Variants in DDAH1 observed in about 807,000 individuals in gnomAD.
DDAH1 encodes the protein dimethylarginine dimethylaminohydrolase 1, also known as N(G),N(G)-dimethylarginine dimethylaminohydrolase 1.
A neutral mutation model predicts 28.8 loss-of-function variants in DDAH1; 19 were observed. The observed-to-expected ratio is 0.66, with a 90% CI of 0.46 to 0.97. DDAH1 has a LOEUF of 0.97. DDAH1 is among the 50% of genes least tolerant of loss of function. DDAH1 has a pLI of 0.00. For synonymous variants in DDAH1, 153 were observed against 154.4 expected (o/e 0.99, Z 0.07); for missense variants, 326 against 375.9 (o/e 0.87, Z 1.10).
In DDAH1 at chr1:85,500,406, T is replaced by C. The variant is rs1036386604; in HGVS notation, c.-122-4125A>G. 3.3e-5 allele frequency among the ~76,000 whole-genome samples: 5 copies of C among 152,094 alleles called. No homozygotes were observed. The South Asian group carries it at 8.3e-4, about 25-fold the overall frequency. Reference sequence around the variant, plus strand: ...CCTTAAAGGTGTTATTCAATTCTCTTTTGGCTTATTTGATAAATCAGCATT... The same window carrying C: ...CCTTAAAGGTGTTATTCAATTCTCTCTTGGCTTATTTGATAAATCAGCATT... On this transcript the variant is annotated intron_variant, in intron 1 of 6. Coordinates refer to the DDAH1 transcript ENST00000426972.
chr1:85,507,713 A>T (rs1657070181), intron 1 of DDAH1, among the ~76,000 whole-genome samples: 1 of 152,178 alleles, frequency 6.6e-6, no homozygotes, highest in East Asian at 1.9e-4. Context: ...TATCAAGCTA[A>T]GAGTCCTTTG....
chr1:85,536,802 A>T (rs1658293725), intron 1 of DDAH1, among the ~76,000 whole-genome samples: 1 of 151,894 alleles, frequency 6.6e-6, no homozygotes, highest in Admixed American at 6.6e-5. Flanking sequence ...CAGAAATCCC[A>T]CTACTGGGTA....
At chr1:85,350,645 A>C (rs1649145942) in intron 3 of DDAH1, 111 bp from the exon 4 acceptor site, 1 of 1,305,164 alleles carries the variant, frequency 7.7e-7, no homozygotes, top group Non-Finnish European at 1.0e-6. Flanking sequence ...GGGACCTTGA[A>C]TATTTGGAAG....
chr1:85,431,837 C>T (rs1653700073), intron 1 of DDAH1, among the ~76,000 whole-genome samples: 1 of 152,310 alleles, frequency 6.6e-6, no homozygotes, highest in South Asian at 2.1e-4. Flanking sequence ...GGTGAATGAT[C>T]TTAAAGTGTC....
At chr1:85,486,898 CAG>C (rs1044560113) in intron 2 of DDAH1, among the ~76,000 whole-genome samples, 14 of 152,134 alleles carry the variant, frequency 9.2e-5, no homozygotes, top group African/African-American at 3.4e-4. Flanking sequence ...GCCTGATGAC[CAG>C]AGTCTTTGAA....
chr1:85,542,115 C>T (rs998209810), intron 1 of DDAH1, among the ~76,000 whole-genome samples: 3 of 152,154 alleles, frequency 2.0e-5, no homozygotes, highest in Admixed American at 6.5e-5. Context: ...AATCCTTTCA[C>T]CTAAGGTCAT....
intron 1 of DDAH1, chr1:85,496,299 T>C (rs573407918): frequency 6.5e-5 from 52 of 805,144 alleles, no homozygotes; most frequent in Non-Finnish European, 7.4e-5. Context: ...TGGAGAAATA[T>C]GGAAGCAGAG....
rs977187423 is a variant in DDAH1 at position 85,569,757 on chromosome 1, A to G, written c.-123+8227T>C. 2.6e-5 allele frequency among the ~76,000 whole-genome samples: 4 copies of G among 152,358 alleles called. No homozygotes were observed. In the South Asian group the frequency reaches 8.3e-4, roughly 32 times the overall value. ...CTCTATTCAAAATAGCAGAGCAATGAAAGTGCAGGAAGCCCAGAGGAAAGA... is the reference window on the plus strand; with the variant it reads ...CTCTATTCAAAATAGCAGAGCAATGGAAGTGCAGGAAGCCCAGAGGAAAGA... On this transcript the variant is annotated intron_variant, in intron 1 of 6. Transcript: ENST00000426972.
At chr1:85,444,866 T>C (rs1461179999) in intron 1 of DDAH1, among the ~76,000 whole-genome samples, 1 of 152,138 alleles carries the variant, frequency 6.6e-6, no homozygotes, top group Non-Finnish European at 1.5e-5. Context: ...ATGGAATAGA[T>C]ATATAAATAA....
chr1:85,518,939 T>C (rs1366702777), intron 1 of DDAH1, among the ~76,000 whole-genome samples: 1 of 152,228 alleles, frequency 6.6e-6, no homozygotes, highest in East Asian at 1.9e-4. Context: ...TCATCATCAT[T>C]GCTATGTAGC....
intron 1 of DDAH1, among the ~76,000 whole-genome samples, chr1:85,387,238 A>C (rs1651318515): frequency 6.6e-6 from 1 of 152,126 alleles, no homozygotes; most frequent in South Asian, 2.1e-4. Flanking sequence ...TTCCTACTAC[A>C]TAGGCAGGCT....
At chr1:85,344,462 A>G (rs915037357) in intron 4 of DDAH1, among the ~76,000 whole-genome samples, 2 of 152,210 alleles carry the variant, frequency 1.3e-5, no homozygotes, top group African/African-American at 4.8e-5. Context: ...TCAGTGCTGC[A>G]GTCCCTCCCA....
chr1:85,498,774 T>C (rs1656688646), intron 1 of DDAH1, among the ~76,000 whole-genome samples: 1 of 151,942 alleles, frequency 6.6e-6, no homozygotes, highest in Non-Finnish European at 1.5e-5. Flanking sequence ...ATACAAAAAT[T>C]AGCCGGAGGT....
chr1:85,332,837 G>A (rs1189850452), intron 4 of DDAH1, among the ~76,000 whole-genome samples: 1 of 152,170 alleles, frequency 6.6e-6, no homozygotes, highest in Non-Finnish European at 1.5e-5. Context: ...TGCCCAGCCT[G>A]CCACCACCAC....
rs558069671 is a variant in DDAH1 at position 85,512,908 on chromosome 1, G to C, written c.-122-16627C>G. On this transcript the variant is annotated intron_variant, in intron 1 of 6. Coordinates refer to the DDAH1 transcript ENST00000426972. ...CATGGATAGGAAGAATCAATATTGT[G>C]AAAATGGCCATACAGCCTAAGGTAA... Among the ~76,000 whole-genome samples, 484 of 152,266 alleles carry C rather than the reference G, an allele frequency of 3.2e-3. 2 individuals carry two copies. Among genetic ancestry groups the C allele is most frequent in the African/African-American group, 0.011 (454 of 41,550 alleles).
At chr1:85,363,906 C>CTTTTTT (rs71819142) in intron 1 of DDAH1, among the ~76,000 whole-genome samples, 1 of 130,608 alleles carries the variant, frequency 7.7e-6, no homozygotes, top group Non-Finnish European at 1.6e-5. Context: ...TGGATGTCAA[C>CTTTTTT]TTTTTTTTTT....
intron 1 of DDAH1, among the ~76,000 whole-genome samples, chr1:85,511,442 T>C (rs200270195): frequency 1.3e-5 from 2 of 151,998 alleles, no homozygotes; most frequent in South Asian, 4.2e-4. Context: ...TTAAAAGAAC[T>C]AGAGAAGCAA....
intron 1 of DDAH1, among the ~76,000 whole-genome samples, chr1:85,518,159 T>A (rs1273078103): frequency 2.0e-5 from 3 of 152,242 alleles, no homozygotes; most frequent in Non-Finnish European, 2.9e-5. Flanking sequence ...GCTATATATA[T>A]GCACCCTGGA....
chr1:85,351,239 G>T (rs563388092), intron 3 of DDAH1, among the ~76,000 whole-genome samples: 3 of 151,938 alleles, frequency 2.0e-5, no homozygotes, highest in African/African-American at 4.8e-5. Context: ...AGGAACATCT[G>T]CCAGGTGGTT....
Sources: gnomAD v4.1 joint callset for allele counts (sites outside exome capture counted in the v4.1 genomes callset) on GRCh38, gnomAD v4.1.1 for gene constraint, MANE v1.5 for transcripts, NCBI Gene and HGNC (gene_info 2026-07-23, HGNC 2026-07-21) for gene names.